RNPC3: variants seen among roughly 807,000 people sequenced by gnomAD.
RNPC3 encodes RNA-binding region-containing protein 3.
A neutral mutation model predicts 67.5 loss-of-function variants in RNPC3; 48 were observed. That is an observed-to-expected ratio of 0.71 (90% CI 0.56 to 0.90). RNPC3 has a LOEUF of 0.90. Ranked by LOEUF, RNPC3 falls within the 40% of genes least tolerant of loss-of-function variation. The pLI is 0.00. For synonymous variants in RNPC3, 239 were observed against 210.3 expected, an observed-to-expected ratio of 1.14 and a Z score of -1.18; for missense variants, 637 against 626.1, an observed-to-expected ratio of 1.02 and a Z score of -0.19.
intron 7 of RNPC3, among the ~76,000 whole-genome samples, chr1:103,539,198 C>T (rs140234663): frequency 0.14 from 21,392 of 152,032 alleles, 1,831 homozygotes; most frequent in East Asian, 0.23. Flanking sequence ...TGACTGTGCA[C>T]GGAAGAAGTG....
At chr1:103,551,475 A>G (rs897883817) in intron 13 of RNPC3, among the ~76,000 whole-genome samples, 1 of 152,232 alleles carries the variant, frequency 6.6e-6, no homozygotes, top group African/African-American at 2.4e-5. Flanking sequence ...TGCTTTTAGT[A>G]GTCAATGCAG....
chr1:103,546,595 G>A, intron 11 of RNPC3: 1 of 327,966 alleles, frequency 3.0e-6, no homozygotes, highest in Non-Finnish European at 5.5e-6. Context: ...CTAAGTGGCT[G>A]AAACAACAGA....
Position 103,551,710 on chromosome 1 carries a change from T to TA in RNPC3, c.1495-8dup. 2 of 1,500,388 alleles carry TA rather than the reference T, an allele frequency of 1.3e-6. No individual in the cohort carries two copies. Among genetic ancestry groups the TA allele is most frequent in the Non-Finnish European group, 1.8e-6 (2 of 1,113,934 alleles). 92.9% of individuals were successfully genotyped at this position (1,500,388 alleles called of 1,614,324 possible). ...ATATTCATGAAGGAAACCTTAATTT[T>TA]AAATTATTAGCAGTTTGCTCGATCT... On this transcript the variant is annotated splice_polypyrimidine_tract_variant and intron_variant, in intron 13 of 14. Transcript: ENST00000423855.
In RNPC3 at chr1:103,546,288, T is replaced by C. The variant is rs1651242798; in HGVS notation, c.1248T>C (p.Gly416=). The part of the protein sequence containing the change: ...TLSVFRSYEP[G]EPNCRIYVKN... ...CAGTTTTCAGAAGTTATGAACCGGG[T>C]GAACCAAACTGTAGAATTTATGTAA... The change falls in exon 11 of 15, where the codon GGT becomes GGC. Residue 416 remains glycine (G), a synonymous_variant. Transcript: ENST00000423855. The C allele has an allele frequency of 3.4e-6, 5 of 1,475,000 alleles. No homozygotes were observed. Among genetic ancestry groups the C allele is most frequent in the Non-Finnish European group, 4.5e-6 (5 of 1,119,734 alleles). The allele number at this position is 1,475,000 out of a possible 1,614,324, so 91.4% of individuals were successfully genotyped here.
In RNPC3 at chr1:103,550,925, T is replaced by C. The variant is rs752010538; in HGVS notation, c.1362-16T>C. The C allele has an allele frequency of 2.5e-6, 4 of 1,608,012 alleles. No homozygotes were observed. The highest frequency in any genetic ancestry group is 2.2e-5 in the South Asian group (2 of 89,956). On this transcript the variant is annotated splice_polypyrimidine_tract_variant and intron_variant, in intron 12 of 14. Coordinates refer to ENST00000423855, the MANE Select transcript of RNPC3 (RefSeq NM_017619.4). ...AAACTGACATTCTTTGAATCAAAAC[T>C]GTTTCTTCCTTCTAGGTTTGATATA...
At chr1:103,531,856 G>T (rs993421471) in intron 2 of RNPC3, among the ~76,000 whole-genome samples, 3 of 152,124 alleles carry the variant, frequency 2.0e-5, no homozygotes, top group African/African-American at 4.8e-5. Context: ...ATTTATCTTT[G>T]TTTTTGTTGC....
At chr1:103,531,831 A>G (rs911891947) in intron 2 of RNPC3, among the ~76,000 whole-genome samples, 3 of 151,888 alleles carry the variant, frequency 2.0e-5, no homozygotes, top group Non-Finnish European at 4.4e-5. Context: ...TTTTTAGTTT[A>G]ATTAAGTCCC....
At chr1:103,535,494 T>G (rs955317546) in intron 5 of RNPC3, 53 bp downstream of exon 5, 4 of 1,072,946 alleles carry the variant, frequency 3.7e-6, no homozygotes, top group African/African-American at 1.6e-5. Flanking sequence ...CTTGATACTT[T>G]ATTTTTCATG....
chr1:103,541,602 T>C lies in RNPC3; in HGVS notation c.893+127T>C, dbSNP rs1030961583. ...TTCTTGGTTTACATTGGCTTCCTAGTTACCAAATTTACAAATATTCATAAT... is the reference window on the plus strand; with the variant it reads ...TTCTTGGTTTACATTGGCTTCCTAGCTACCAAATTTACAAATATTCATAAT... On this transcript the variant is annotated intron_variant, in intron 8 of 14. Coordinates refer to ENST00000423855, the MANE Select transcript of RNPC3 (RefSeq NM_017619.4). 16 of 786,034 alleles carry C rather than the reference T, an allele frequency of 2.0e-5. No individual in the cohort carries two copies. In the African/African-American group the frequency reaches 3.0e-4, roughly 15 times the overall value. The allele number at this position is 786,034 out of a possible 1,614,324, so 48.7% of individuals were successfully genotyped here.
chr1:103,533,702 A>T (rs1230654792), intron 2 of RNPC3, 37 bp from the exon 3 acceptor site: 7 of 1,130,650 alleles, frequency 6.2e-6, no homozygotes, highest in Non-Finnish European at 8.9e-6. Context: ...TTTTTGGTAC[A>T]ATTGTGAAAT....
Position 103,543,279 on chromosome 1 carries a change from T to C in RNPC3, c.894-17T>C. 3.6e-6 allele frequency: 5 copies of C among 1,394,834 alleles called. No homozygotes were observed. The South Asian group carries it at 4.8e-5, about 13-fold the overall frequency. The allele number at this position is 1,394,834 out of a possible 1,614,324, so 86.4% of individuals were successfully genotyped here. On this transcript the variant is annotated splice_polypyrimidine_tract_variant and intron_variant, in intron 8 of 14. Transcript: ENST00000423855. The stretch of plus-strand genomic sequence containing the variant: ...TATTTGCAATTACAAACTAATGCTA[T>C]GATTGTTTTTAAATAGCAGTTTACA...
At chr1:103,554,300 A>T (rs1047181924) in intron 14 of RNPC3, 1 of 152,164 alleles carries the variant, frequency 6.6e-6, no homozygotes, top group African/African-American at 2.4e-5. Flanking sequence ...GTTGCAGTGA[A>T]CCATGATCAC....
rs748882456 is a variant in RNPC3 at position 103,533,844 on chromosome 1, G to GA, written c.358dup (p.Arg120LysfsTer3). On this transcript the variant is annotated frameshift_variant, in exon 3 of 15. Coordinates refer to ENST00000423855, the MANE Select transcript of RNPC3 (RefSeq NM_017619.4). LOFTEE classifies it high-confidence loss of function. ...CTCCCCATGTCCCACTTCAGGCTCT[G>GA]AAAAAAAAAAAAGGTATGTAGATCA... The GA allele has an allele frequency of 0.06, 60,561 of 1,004,298 alleles. 57 individuals carry two copies. The highest frequency in any genetic ancestry group is 0.066 in the South Asian group (3,422 of 51,960). 62.2% of individuals were successfully genotyped at this position (1,004,298 alleles called of 1,614,324 possible). A position where few individuals can be genotyped will look rare whatever the true frequency, so the allele number is the denominator to read the frequency against.
At chr1:103,526,767 CT>C (rs1209495729) in intron 1 of RNPC3, among the ~76,000 whole-genome samples, 2 of 152,174 alleles carry the variant, frequency 1.3e-5, no homozygotes, top group African/African-American at 2.4e-5. Context: ...CCGATGACAT[CT>C]TTTAGGGAAC....
chr1:103,547,505 G>C (rs551624698), intron 12 of RNPC3, among the ~76,000 whole-genome samples: 23 of 152,254 alleles, frequency 1.5e-4, no homozygotes, highest in African/African-American at 5.3e-4. Flanking sequence ...TGATTTTCTA[G>C]GTTTCATGGG....
rs1650920305 is a variant in RNPC3 at position 103,533,796 on chromosome 1, G to T, written c.298G>T (p.Ala100Ser). ...LLGHTLVVEF[A>S]KEQDRVHSPC... ...AGGTCATACTTTAGTCGTTGAATTT[G>T]CAAAAGAGCAAGATCGAGTTCACTC... The change falls in exon 3 of 15, where the codon GCA (alanine) becomes TCA (serine). Residue 100 changes from alanine to serine, a missense_variant. Physicochemically the swap from Ala to Ser is moderately conservative, Grantham distance 99. Coordinates refer to ENST00000423855, the MANE Select transcript of RNPC3 (RefSeq NM_017619.4). 1 of 1,534,390 alleles carries T rather than the reference G, an allele frequency of 6.5e-7. No individual in the cohort carries two copies. The highest frequency in any genetic ancestry group is 1.4e-5 in the African/African-American group (1 of 72,598).
In RNPC3 at chr1:103,526,002, C is replaced by A; in HGVS notation, c.-69C>A. 1.6e-6 allele frequency: 2 copies of A among 1,244,068 alleles called. No individual in the cohort carries two copies. The highest frequency in any genetic ancestry group is 1.5e-5 in the South Asian group (1 of 68,058). The allele number at this position is 1,244,068 out of a possible 1,614,324, so 77.1% of individuals were successfully genotyped here. A position where few individuals can be genotyped will look rare whatever the true frequency, so the allele number is the denominator to read the frequency against. ...GAGGCGGAAAAAATATTTCTCCCAG[C>A]TTGTGTTGATGCCGCGATTTTGACT... On this transcript the variant is annotated 5_prime_UTR_variant, in exon 1 of 15. Coordinates refer to ENST00000423855, the MANE Select transcript of RNPC3 (RefSeq NM_017619.4).
intron 12 of RNPC3, among the ~76,000 whole-genome samples, chr1:103,550,640 CAAA>C (rs34109337): frequency 1.5e-4 from 13 of 88,606 alleles, no homozygotes; most frequent in Non-Finnish European, 2.5e-4. Context: ...GACTCTGTCT[CAAA>C]AAAAAAAAAA....
rs1450302846 is a variant in RNPC3, at chr1:103,555,021, TATG to T, written c.*13-9_*13-7del. ...ATACTTCCTATTTTTAATGGGCTTT[TATG>T]ATGTTTTAGGTTTTTTTGAATCCCG... On this transcript the variant is annotated splice_polypyrimidine_tract_variant and intron_variant, in intron 14 of 14. Transcript: ENST00000423855. 1.3e-5 allele frequency: 2 copies of T among 152,132 alleles called. No homozygotes were observed. Among genetic ancestry groups the T allele is most frequent in the Non-Finnish European group, 2.9e-5 (2 of 67,988 alleles). The allele number at this position is 152,132 out of a possible 1,614,324, so 9.4% of individuals were successfully genotyped here.
Sources: gnomAD v4.1 joint callset for allele counts (sites outside exome capture counted in the v4.1 genomes callset) on GRCh38, gnomAD v4.1.1 for gene constraint, MANE v1.5 for transcripts, NCBI Gene and HGNC (gene_info 2026-07-23, HGNC 2026-07-21) for gene names.